Variants in CALN1 observed in about 807,000 individuals in gnomAD.
The protein encoded by CALN1 is calneuron 1.
Under a neutral mutation model 30.6 loss-of-function variants are expected in CALN1, and 17 were observed. The observed-to-expected ratio is 0.56, with a 90% CI of 0.38 to 0.83. The LOEUF is 0.83. Among genes scored for constraint, CALN1 ranks in the 40% least tolerant of loss-of-function variants. CALN1 has a pLI of 0.00. For synonymous variants in CALN1, 156 were observed against 131.4 expected (o/e 1.19, Z -1.28); for missense variants, 291 against 354.9 (o/e 0.82, Z 1.45).
intron 2 of CALN1, among the ~76,000 whole-genome samples, chr7:72,302,409 A>G (rs564587735): frequency 7.2e-5 from 11 of 152,302 alleles, no homozygotes; most frequent in South Asian, 2.1e-4. Flanking sequence ...CAGACACGAG[A>G]TAACAGTGGA....
intron 3 of CALN1, among the ~76,000 whole-genome samples, chr7:72,235,137 G>A (rs1794390176): frequency 6.6e-6 from 1 of 151,958 alleles, no homozygotes; most frequent in African/African-American, 2.4e-5. Context: ...AGCCAGTCAT[G>A]GTAGCATGCT....
chr7:72,012,510 C>CA (rs1354612580), intron 5 of CALN1, among the ~76,000 whole-genome samples: 1 of 152,112 alleles, frequency 6.6e-6, no homozygotes, highest in East Asian at 1.9e-4. Flanking sequence ...GACTCCGTCT[C>CA]AAAAAACAAA....
chr7:72,030,059 T>C (rs1207141045), intron 4 of CALN1, among the ~76,000 whole-genome samples: 3 of 152,172 alleles, frequency 2.0e-5, no homozygotes, highest in South Asian at 2.1e-4. Flanking sequence ...TCCAGATAGA[T>C]AGTAACAGAT....
At chr7:71,884,753 C>A (rs1013774046) in intron 5 of CALN1, among the ~76,000 whole-genome samples, 3 of 152,234 alleles carry the variant, frequency 2.0e-5, no homozygotes, top group East Asian at 1.9e-4. Context: ...AACAAGGAAT[C>A]AAAATATTTT....
intron 1 of CALN1, among the ~76,000 whole-genome samples, chr7:72,406,648 G>A (rs903953218): frequency 3.5e-5 from 5 of 141,084 alleles, no homozygotes; most frequent in Non-Finnish European, 6.1e-5. Context: ...ACGGAGTCTT[G>A]TTCTGTCACC....
chr7:72,396,475 T>C (rs1156622543), intron 2 of CALN1, among the ~76,000 whole-genome samples: 2 of 149,808 alleles, frequency 1.3e-5, no homozygotes, highest in Non-Finnish European at 3.0e-5. Flanking sequence ...ATGTATGCAA[T>C]TTTTCTTGGG....
chr7:71,788,957 C>T (rs571282356), intron 6 of CALN1, among the ~76,000 whole-genome samples: 4 of 151,886 alleles, frequency 2.6e-5, no homozygotes, highest in South Asian at 2.1e-4. Context: ...TGCGCCTGGC[C>T]GACTAATTTT....
chr7:72,245,320 A>T (rs1163092643), intron 3 of CALN1, among the ~76,000 whole-genome samples: 2 of 152,104 alleles, frequency 1.3e-5, no homozygotes, highest in Non-Finnish European at 2.9e-5. Flanking sequence ...GACTCATTTT[A>T]AAGCTGTGTA....
At chr7:72,021,593 A>T (rs556236127) in intron 5 of CALN1, among the ~76,000 whole-genome samples, 3 of 152,248 alleles carry the variant, frequency 2.0e-5, no homozygotes, top group South Asian at 4.1e-4. Context: ...TCCTAACAAC[A>T]GTTCAGGGAG....
At chr7:72,299,813 G>T (rs1241744934) in intron 2 of CALN1, among the ~76,000 whole-genome samples, 8 of 151,860 alleles carry the variant, frequency 5.3e-5, no homozygotes, top group Non-Finnish European at 1.2e-4. Flanking sequence ...AGCATTACAG[G>T]CCTGAGCCAG....
intron 5 of CALN1, among the ~76,000 whole-genome samples, chr7:71,992,755 T>C (rs1584698284): frequency 6.6e-6 from 1 of 152,234 alleles, no homozygotes; most frequent in African/African-American, 2.4e-5. Flanking sequence ...ATAAACTCTA[T>C]ACTTAATCAT....
chr7:72,436,694 C>T (rs774327407), intron 1 of CALN1, among the ~76,000 whole-genome samples: 1 of 152,128 alleles, frequency 6.6e-6, no homozygotes, highest in Non-Finnish European at 1.5e-5. Flanking sequence ...CCCTCCCTGC[C>T]TGCTCTGGGC....
At chr7:72,166,734 C>G (rs1185930068) in intron 3 of CALN1, among the ~76,000 whole-genome samples, 1 of 152,160 alleles carries the variant, frequency 6.6e-6, no homozygotes, top group Non-Finnish European at 1.5e-5. Context: ...TGTTGGCTAC[C>G]TCTAGCATAA....
At chr7:71,918,082 G>T (rs989623673) in intron 5 of CALN1, among the ~76,000 whole-genome samples, 1 of 152,098 alleles carries the variant, frequency 6.6e-6, no homozygotes, top group Non-Finnish European at 1.5e-5. Context: ...CCCCTGACTT[G>T]CCTAGAAGAT....
At chr7:72,392,407 C>T (rs1805632219) in intron 2 of CALN1, among the ~76,000 whole-genome samples, 1 of 152,092 alleles carries the variant, frequency 6.6e-6, no homozygotes, top group African/African-American at 2.4e-5. Flanking sequence ...ACAAAAAGTT[C>T]AGGAAGAGGC....
chr7:72,442,712 T>C (rs1055290252), intron 1 of CALN1, among the ~76,000 whole-genome samples: 1 of 152,226 alleles, frequency 6.6e-6, no homozygotes, highest in Non-Finnish European at 1.5e-5. Context: ...TTATTTAGGA[T>C]TGCATTTTAT....
intron 5 of CALN1, among the ~76,000 whole-genome samples, chr7:71,878,307 C>G (rs949066684): frequency 1.3e-5 from 2 of 151,512 alleles, no homozygotes; most frequent in African/African-American, 4.9e-5. Flanking sequence ...GAGGTGGAGG[C>G]AGGAGAATTG....
intron 2 of CALN1, among the ~76,000 whole-genome samples, chr7:72,344,899 A>G (rs1802554829): frequency 6.8e-6 from 1 of 147,648 alleles, no homozygotes; most frequent in African/African-American, 2.5e-5. Context: ...ATATATTTAT[A>G]TCATATATAA....
chr7:71,948,630 C>T (rs1796527221), intron 5 of CALN1, among the ~76,000 whole-genome samples: 2 of 151,232 alleles, frequency 1.3e-5, no homozygotes, highest in Admixed American at 6.6e-5. Flanking sequence ...ACTTGGGAGG[C>T]TGAGGCATGA....
Sources: allele counts gnomAD v4.1 joint callset (sites outside exome capture counted in the v4.1 genomes callset), GRCh38; gene constraint gnomAD v4.1.1; transcripts MANE v1.5; gene names NCBI Gene and HGNC (gene_info 2026-07-23, HGNC 2026-07-21).